ANKRD17: variants seen among roughly 807,000 people sequenced by gnomAD.
The protein encoded by ANKRD17 is ankyrin repeat domain 17, also known as ankyrin repeat domain-containing protein 17.
In ANKRD17, 19 loss-of-function variants were observed where a neutral mutation model predicts 229.7. The observed-to-expected ratio is 0.08, with a 90% CI of 0.06 to 0.12. ANKRD17 has a LOEUF of 0.12. Ranked by LOEUF, ANKRD17 falls within the 10% of genes least tolerant of loss-of-function variation. The pLI, the probability that ANKRD17 is intolerant of heterozygous loss-of-function variation, is 1.00. For synonymous variants in ANKRD17, 1,112 were observed against 1,146.1 expected (o/e 0.97, Z 0.60); for missense variants, 2,176 against 3,176.8 (o/e 0.68, Z 7.57).
intron 1 of ANKRD17, among the ~76,000 whole-genome samples, chr4:73,254,637 G>A (rs951451533): frequency 5.9e-5 from 9 of 151,882 alleles, no homozygotes; most frequent in African/African-American, 2.2e-4. Flanking sequence ...GCCTGGTGGC[G>A]GATGCCTGTA....
intron 24 of ANKRD17, among the ~76,000 whole-genome samples, chr4:73,107,171 A>C (rs1464811880): frequency 6.6e-6 from 1 of 152,212 alleles, no homozygotes; most frequent in Non-Finnish European, 1.5e-5. Context: ...TATGTGCCAG[A>C]TACTGGTCTA....
At chr4:73,118,361 T>C (rs569475641) in intron 22 of ANKRD17, among the ~76,000 whole-genome samples, 8 of 151,870 alleles carry the variant, frequency 5.3e-5, no homozygotes, top group African/African-American at 9.7e-5. Context: ...TCACTAAGAG[T>C]AACTAACTGG....
At chr4:73,209,205 C>CA (rs1275923538) in intron 1 of ANKRD17, among the ~76,000 whole-genome samples, 4 of 151,196 alleles carry the variant, frequency 2.6e-5, no homozygotes, top group African/African-American at 9.7e-5. Context: ...GACTCTGGGT[C>CA]AAAAACAAAA....
chr4:73,240,803 A>ATTTTTTTT (rs1743952852), intron 1 of ANKRD17, among the ~76,000 whole-genome samples: 1 of 144,140 alleles, frequency 6.9e-6, no homozygotes, highest in South Asian at 2.2e-4. Context: ...TTCAGTACTT[A>ATTTTTTTT]TTCTTTTTTT....
rs1380062583 is a variant in ANKRD17 at position 73,073,738 on chromosome 4, GTTGA to G, written c.*2489_*2492del. 3 of 151,980 alleles carry G rather than the reference GTTGA, an allele frequency of 2.0e-5. No individual in the cohort carries two copies. The highest frequency in any genetic ancestry group is 7.2e-5 in the African/African-American group (3 of 41,446). 9.4% of individuals were successfully genotyped at this position (151,980 alleles called of 1,614,324 possible). On this transcript the variant is annotated 3_prime_UTR_variant, in exon 34 of 34. Transcript: ENST00000358602. ...CAGTGAAGTCAGTGTTTGTAAATAT[GTTGA>G]TTATGTTGAAATGTATGTTGAAAAG...
chr4:73,200,870 C>G (rs1183164234), intron 1 of ANKRD17, among the ~76,000 whole-genome samples: 1 of 151,732 alleles, frequency 6.6e-6, no homozygotes, highest in Non-Finnish European at 1.5e-5. Context: ...CTTTCAGATG[C>G]CTCCACCTCA....
intron 24 of ANKRD17, among the ~76,000 whole-genome samples, chr4:73,106,317 T>C (rs1178384121): frequency 2.0e-5 from 3 of 152,138 alleles, no homozygotes; most frequent in Non-Finnish European, 2.9e-5. Context: ...TGATTTCTAA[T>C]TGAGGGCTCA....
chr4:73,143,710 T>TA (rs1399543415), intron 11 of ANKRD17, among the ~76,000 whole-genome samples: 3 of 152,180 alleles, frequency 2.0e-5, no homozygotes, highest in Non-Finnish European at 2.9e-5. Flanking sequence ...GAAAATGGTA[T>TA]ATTATTGCCT....
intron 14 of ANKRD17, 101 bp from the exon 15 acceptor site, chr4:73,140,384 T>C: frequency 8.1e-7 from 1 of 1,239,186 alleles, no homozygotes; most frequent in Non-Finnish European, 1.1e-6. Flanking sequence ...CACTAAGTAA[T>C]CATATCCATA....
chr4:73,090,927 A>C lies in ANKRD17; in HGVS notation c.6701T>G (p.Val2234Gly), dbSNP rs777604842. 1 of 1,614,228 alleles carries C rather than the reference A, an allele frequency of 6.2e-7. No homozygotes were observed. The highest frequency in any genetic ancestry group is 8.5e-7 in the Non-Finnish European group (1 of 1,180,044). Reference sequence around the variant, plus strand: ...AGCAATAGGCTTATTTGCTGGATGTACTGAATTCTGACAAGCACTTTGTGT... The same window carrying C: ...AGCAATAGGCTTATTTGCTGGATGTCCTGAATTCTGACAAGCACTTTGTGT... ...LSTQSACQNS[V>G]HPANKPIAPN... is the part of the protein sequence containing the mutation. The change falls in exon 29 of 34, where the codon GTA becomes GGA. Residue 2234 changes from valine to glycine, a missense_variant. By Grantham distance (109) the Val-to-Gly change is moderately radical (BLOSUM62 -3). Coordinates refer to ENST00000358602, the MANE Select transcript of ANKRD17 (RefSeq NM_032217.5).
chr4:73,203,909 C>G (rs1197019267), intron 1 of ANKRD17, among the ~76,000 whole-genome samples: 2 of 151,730 alleles, frequency 1.3e-5, no homozygotes, highest in Non-Finnish European at 2.9e-5. Context: ...AATGAAACTA[C>G]TAAAAATCAA....
intron 23 of ANKRD17, among the ~76,000 whole-genome samples, chr4:73,115,055 A>T (rs1725777665): frequency 6.6e-6 from 1 of 152,112 alleles, no homozygotes; most frequent in South Asian, 2.1e-4. Flanking sequence ...CTTAGTTAAA[A>T]CTAAAAGTTA....
intron 28 of ANKRD17, among the ~76,000 whole-genome samples, chr4:73,093,616 C>T (rs928653239): frequency 3.3e-5 from 5 of 151,988 alleles, no homozygotes; most frequent in Admixed American, 1.3e-4. Flanking sequence ...TCAGGTGATC[C>T]GCCCGCCTCA....
intron 24 of ANKRD17, among the ~76,000 whole-genome samples, chr4:73,102,956 T>C (rs1444888185): frequency 1.3e-5 from 2 of 152,082 alleles, no homozygotes; most frequent in African/African-American, 4.8e-5. Flanking sequence ...AAAAAGTAAT[T>C]TGAAAGCTTC....
chr4:73,099,261 C>T (rs1419939360), intron 25 of ANKRD17: 11 of 554,714 alleles, frequency 2.0e-5, no homozygotes, highest in Admixed American at 2.5e-5. Context: ...CCACTGCCTC[C>T]GGCTGCCACC....
intron 3 of ANKRD17, 83 bp from the exon 4 acceptor site, chr4:73,156,249 GT>G: frequency 6.9e-7 from 1 of 1,454,132 alleles, no homozygotes. Flanking sequence ...TGATTGTTTT[GT>G]TTTTTGTTGT....
intron 30 of ANKRD17, 141 bp downstream of exon 30, chr4:73,085,108 C>T: frequency 1.2e-6 from 1 of 858,986 alleles, no homozygotes; most frequent in Non-Finnish European, 1.8e-6. Context: ...ATTTAAATAC[C>T]TAGAAATTTT....
At chr4:73,150,894 C>T (rs1040437773) in intron 7 of ANKRD17, among the ~76,000 whole-genome samples, 7 of 152,052 alleles carry the variant, frequency 4.6e-5, no homozygotes, top group Admixed American at 1.3e-4. Context: ...GAAAAGACCT[C>T]GAGAGAGGGG....
At chr4:73,170,247 T>C (rs756210113) in intron 2 of ANKRD17, among the ~76,000 whole-genome samples, 1 of 152,000 alleles carries the variant, frequency 6.6e-6, no homozygotes, top group Non-Finnish European at 1.5e-5. Flanking sequence ...CACAGTAGGA[T>C]AGGGCACCAG....
Sources: gnomAD v4.1 joint callset for allele counts (sites outside exome capture counted in the v4.1 genomes callset) on GRCh38, gnomAD v4.1.1 for gene constraint, MANE v1.5 for transcripts, NCBI Gene and HGNC (gene_info 2026-07-23, HGNC 2026-07-21) for gene names.